NSD2: variants seen among roughly 807,000 people sequenced by gnomAD.
NSD2 encodes nuclear receptor binding SET domain protein 2.
A neutral mutation model predicts 139.0 loss-of-function variants in NSD2; 12 were observed. That is an observed-to-expected ratio of 0.09 (90% CI 0.06 to 0.14). NSD2 has a LOEUF of 0.14. Among genes scored for constraint, NSD2 ranks in the 10% least tolerant of loss-of-function variants. The pLI is 1.00. For synonymous variants in NSD2, 669 were observed against 648.7 expected (o/e 1.03, Z -0.48); for missense variants, 1,155 against 1,745.0 (o/e 0.66, Z 6.02).
At chr4:1,945,754 A>G (rs1205111179) in intron 9 of NSD2, 1 of 1,064,046 alleles carries the variant, frequency 9.4e-7, no homozygotes, top group Non-Finnish European at 1.1e-6. Context: ...GATGGCTGAC[A>G]TCAGTCACTG....
At chr4:1,880,609 T>A (rs1206990692) in intron 1 of NSD2, among the ~76,000 whole-genome samples, 1 of 145,240 alleles carries the variant, frequency 6.9e-6, no homozygotes, top group Non-Finnish European at 1.5e-5. Context: ...GAAATACTCC[T>A]GCCAAAAAAA....
At chr4:1,946,072 T>G in intron 9 of NSD2, 1 of 1,031,850 alleles carries the variant, frequency 9.7e-7, no homozygotes, top group Non-Finnish European at 1.2e-6. Flanking sequence ...CCTTAGTTTT[T>G]TAAAAAAAAT....
intron 2 of NSD2, among the ~76,000 whole-genome samples, chr4:1,902,941 G>A (rs1367033949): frequency 6.6e-6 from 1 of 152,152 alleles, no homozygotes; most frequent in Admixed American, 6.5e-5. Flanking sequence ...TTGGGAGGCT[G>A]AGGCAGGAAG....
At position 1,900,925 on chromosome 4, in the gene NSD2, C is replaced by T; in HGVS notation, c.271C>T (p.Pro91Ser). The T allele has an allele frequency of 6.2e-7, 1 of 1,614,116 alleles. No individual in the cohort carries two copies. Among genetic ancestry groups the T allele is most frequent in the South Asian group, 1.1e-5 (1 of 91,078 alleles). ...DLTSRVFNGE[P>S]GAHDAKLRFE... is the part of the protein sequence containing the mutation. Reference sequence around the variant, plus strand: ...TACTTCCCGGGTGTTTAATGGAGAACCCGGCGCACACGATGCCAAACTGCG... The same window carrying T: ...TACTTCCCGGGTGTTTAATGGAGAATCCGGCGCACACGATGCCAAACTGCG... Residue 91 changes from proline (P) to serine (S), a missense_variant, in exon 2 of 22, where the codon CCC becomes TCC. By Grantham distance (74) the Pro-to-Ser change is moderately conservative (BLOSUM62 -1). Coordinates refer to ENST00000508803, the MANE Select transcript of NSD2 (RefSeq NM_001042424.3).
Position 1,943,132 on chromosome 4 carries a change from G to A in NSD2, c.1881+3354G>A, listed in dbSNP as rs541033522. On this transcript the variant is annotated intron_variant, in intron 9 of 21. Coordinates refer to ENST00000508803, the MANE Select transcript of NSD2 (RefSeq NM_001042424.3). ...CCTCATGTTTCATTGTCTTAATGTC[G>A]GGGAGCAGCCTGGTGTCCTGCCCCA... 24 of 1,044,460 alleles carry A rather than the reference G, an allele frequency of 2.3e-5. 1 individual carries two copies. The highest frequency in any genetic ancestry group is 4.4e-4 in the Middle Eastern group (1 of 2,272). The allele number at this position is 1,044,460 out of a possible 1,614,324, so 64.7% of individuals were successfully genotyped here.
chr4:1,911,234 G>A (rs1163078615), intron 3 of NSD2, among the ~76,000 whole-genome samples: 2 of 152,134 alleles, frequency 1.3e-5, no homozygotes, highest in African/African-American at 4.8e-5. Flanking sequence ...AGGGGATGTA[G>A]GTGGGGAGGT....
At chr4:1,953,788 C>T (rs955954680) in intron 12 of NSD2, among the ~76,000 whole-genome samples, 1 of 151,718 alleles carries the variant, frequency 6.6e-6, no homozygotes, top group Non-Finnish European at 1.5e-5. Flanking sequence ...TTTTGTTTAC[C>T]CTGGCTTTTT....
chr4:1,921,481 C>T (rs893358030), intron 5 of NSD2, among the ~76,000 whole-genome samples: 2 of 149,662 alleles, frequency 1.3e-5, no homozygotes, highest in African/African-American at 4.9e-5. Context: ...AAAGCATTCT[C>T]TTTAAAATCA....
At chr4:1,945,580 G>A (rs1403213240) in intron 9 of NSD2, 4 of 1,065,420 alleles carry the variant, frequency 3.8e-6, no homozygotes, top group Non-Finnish European at 4.5e-6. Flanking sequence ...GAAGCCTGAT[G>A]TGAGTGTGTG....
rs561209149 is a variant in NSD2 at position 1,872,314 on chromosome 4, T to G, written c.-30+772T>G. 6.2e-4 allele frequency among the ~76,000 whole-genome samples: 94 copies of G among 152,250 alleles called. 1 individual carries two copies. The South Asian group carries it at 0.019, about 31-fold the overall frequency. On this transcript the variant is annotated intron_variant, in intron 1 of 21. Coordinates refer to ENST00000508803, the MANE Select transcript of NSD2 (RefSeq NM_001042424.3). ...AGATTGATAGTCCTTGAAGCCTCAG[T>G]GCATGAGATGGGACCTGGCGACTTA...
rs373257735 is a variant in NSD2, at chr4:1,938,540, G to A, written c.1756+8G>A. Reference sequence around the variant, plus strand: ...CGCTCAAGAGCCAGGCAGGTAATGTGGTCAGCGCCCTTTCCTTCTTGGCTT... The same window carrying A: ...CGCTCAAGAGCCAGGCAGGTAATGTAGTCAGCGCCCTTTCCTTCTTGGCTT... On this transcript the variant is annotated splice_region_variant and intron_variant, in intron 8 of 21. Transcript: ENST00000508803. 3.9e-5 allele frequency: 63 copies of A among 1,604,236 alleles called. No individual in the cohort carries two copies. The highest frequency in any genetic ancestry group is 4.8e-5 in the Non-Finnish European group (57 of 1,175,682).
rs375995389 is a variant in NSD2 at position 1,918,230 on chromosome 4, G to A, written c.1017G>A (p.Glu339=). The A allele has an allele frequency of 9.9e-6, 16 of 1,613,760 alleles. No individual in the cohort carries two copies. The African/African-American group carries it at 1.7e-4, about 17-fold the overall frequency. The stretch of plus-strand genomic sequence containing the variant: ...AAGCTGCAAGCATGTCAGTGGAGGA[G>A]CGGAAAGCCAAGTTCACCTTTCTCT... ...AEEAASMSVE[E]RKAKFTFLYV... is the part of the protein sequence containing the mutation. The change falls in exon 5 of 22, where the codon GAG becomes GAA. Residue 339 remains glutamate, a synonymous_variant. Coordinates refer to ENST00000508803, the MANE Select transcript of NSD2 (RefSeq NM_001042424.3).
chr4:1,921,611 G>T (rs985967091), intron 5 of NSD2, among the ~76,000 whole-genome samples: 1 of 150,344 alleles, frequency 6.7e-6, no homozygotes. Flanking sequence ...GTGAAACCCC[G>T]TCTCTACTAA....
At chr4:1,917,075 A>G in intron 4 of NSD2, 38 bp downstream of exon 4, 1 of 1,520,572 alleles carries the variant, frequency 6.6e-7, no homozygotes, top group Non-Finnish European at 8.8e-7. Context: ...TAGACCAGAA[A>G]TTTAATTTTT....
chr4:1,937,596 A>G (rs1475124585), intron 7 of NSD2, among the ~76,000 whole-genome samples: 1 of 152,208 alleles, frequency 6.6e-6, no homozygotes, highest in African/African-American at 2.4e-5. Flanking sequence ...GCCAAACCAC[A>G]TATGACACCC....
intron 18 of NSD2, among the ~76,000 whole-genome samples, chr4:1,967,438 C>T (rs545017887): frequency 2.9e-4 from 44 of 152,094 alleles, no homozygotes; most frequent in African/African-American, 1.0e-3. Flanking sequence ...ATTAGCTGGG[C>T]GTGGTGGCGG....
chr4:1,968,699 T>G (rs1271167498), intron 18 of NSD2, among the ~76,000 whole-genome samples: 2 of 152,070 alleles, frequency 1.3e-5, no homozygotes, highest in Non-Finnish European at 2.9e-5. Context: ...AAGTTAAGAC[T>G]AAGATTCACA....
At chr4:1,930,073 T>G (rs528352933) in intron 5 of NSD2, among the ~76,000 whole-genome samples, 1 of 152,262 alleles carries the variant, frequency 6.6e-6, no homozygotes, top group African/African-American at 2.4e-5. Context: ...CTGGTGTGGC[T>G]GGAGGGTAGG....
rs1486493780 is a variant in NSD2 at position 1,901,015 on chromosome 4, T to C, written c.361T>C (p.Ser121Pro). 6.2e-7 allele frequency: 1 copy of C among 1,614,106 alleles called. No individual in the cohort carries two copies. The highest frequency in any genetic ancestry group is 1.7e-5 in the Admixed American group (1 of 60,008). ...TAACACTACCCCTATCAAAAATGGC[T>C]CTCCAGAAATTAAGCTGAAAATCAC... ...PPNTTPIKNG[S>P]PEIKLKITKT... The change falls in exon 2 of 22, where the codon TCT (serine) becomes CCT (proline). Residue 121 changes from serine (S) to proline (P), a missense_variant. Coordinates refer to ENST00000508803, the MANE Select transcript of NSD2 (RefSeq NM_001042424.3).
Sources: gnomAD v4.1 joint callset for allele counts (sites outside exome capture counted in the v4.1 genomes callset) on GRCh38, gnomAD v4.1.1 for gene constraint, MANE v1.5 for transcripts, NCBI Gene and HGNC (gene_info 2026-07-23, HGNC 2026-07-21) for gene names.